The following ST7L variants were observed in gnomAD, a reference collection of about 807,000 sequenced individuals.
ST7L encodes the protein suppression of tumorigenicity 7 like, also known as suppressor of tumorigenicity 7 protein-like.
ST7L carries 57 observed loss-of-function variants against 72.5 expected under a neutral mutation model. The observed-to-expected ratio is 0.79, with a 90% CI of 0.64 to 0.98. ST7L has a LOEUF of 0.98. ST7L is among the 50% of genes least tolerant of loss of function. The pLI is 0.00. For synonymous variants in ST7L, 221 were observed against 240.9 expected, an observed-to-expected ratio of 0.92 and a Z score of 0.77; for missense variants, 576 against 672.2, an observed-to-expected ratio of 0.86 and a Z score of 1.58.
downstream of ST7L, among the ~76,000 whole-genome samples, chr1:112,519,129 G>C (rs1473419748): frequency 2.0e-5 from 3 of 152,134 alleles, no homozygotes; most frequent in Non-Finnish European, 4.4e-5. Context: ...AACATATACA[G>C]TAGACCTAGT....
intron 3 of ST7L, among the ~76,000 whole-genome samples, chr1:112,609,143 A>G (rs1372001288): frequency 6.6e-6 from 1 of 152,158 alleles, no homozygotes; most frequent in Non-Finnish European, 1.5e-5. Context: ...CCTGGGCAAC[A>G]TACTGAGACC....
Position 112,568,819 on chromosome 1 carries a change from G to A in ST7L, c.1245+8167C>T, listed in dbSNP as rs555338205. On this transcript the variant is annotated intron_variant, in intron 11 of 14. Transcript: ENST00000358039. Reference sequence around the variant, plus strand: ...GAGCCCAGGAGTTTGAGACGAGCCCGGGCAACATAGGGAGACCCTGTTTTT... The same window carrying A: ...GAGCCCAGGAGTTTGAGACGAGCCCAGGCAACATAGGGAGACCCTGTTTTT... Among the ~76,000 whole-genome samples, 13 of 145,234 alleles carry A rather than the reference G, an allele frequency of 9.0e-5. 1 individual carries two copies. The highest frequency in any genetic ancestry group is 8.6e-4 in the South Asian group (4 of 4,674).
intron 14 of ST7L, among the ~76,000 whole-genome samples, chr1:112,538,270 T>C (rs1197688131): frequency 6.6e-6 from 1 of 152,228 alleles, no homozygotes; most frequent in Non-Finnish European, 1.5e-5. Flanking sequence ...ACAAGGTAGT[T>C]TGCCAGTGCC....
chr1:112,594,208 G>GAAAA (rs11317306), intron 5 of ST7L, among the ~76,000 whole-genome samples: 1 of 89,570 alleles, frequency 1.1e-5, no homozygotes, highest in Non-Finnish European at 2.3e-5. Flanking sequence ...TTATTTTACA[G>GAAAA]AAAAAAAAAA....
chr1:112,546,996 G>A (rs886985849), intron 13 of ST7L, among the ~76,000 whole-genome samples: 2 of 151,694 alleles, frequency 1.3e-5, no homozygotes, highest in Non-Finnish European at 2.9e-5. Context: ...AGGTATGTAT[G>A]TATATATGGA....
chr1:112,608,296 G>C (rs1434644488), intron 3 of ST7L, among the ~76,000 whole-genome samples: 1 of 152,108 alleles, frequency 6.6e-6, no homozygotes, highest in Admixed American at 6.6e-5. Flanking sequence ...TAGAATTATA[G>C]GTTTGGGCCA....
chr1:112,520,726 A>C, downstream of ST7L: 1 of 591,952 alleles, frequency 1.7e-6, no homozygotes, highest in South Asian at 2.2e-5. Context: ...AAGCTCCCTG[A>C]TTTCCCGCTC....
At chr1:112,615,668 T>C (rs1669756685) in intron 2 of ST7L, among the ~76,000 whole-genome samples, 1 of 152,126 alleles carries the variant, frequency 6.6e-6, no homozygotes, top group Admixed American at 6.5e-5. Context: ...CTGGGCAACG[T>C]AGTGAGACTC....
At chr1:112,563,343 A>T (rs1449070256) in intron 11 of ST7L, among the ~76,000 whole-genome samples, 2 of 152,194 alleles carry the variant, frequency 1.3e-5, no homozygotes, top group African/African-American at 4.8e-5. Context: ...AACAAATTTT[A>T]AAAATTCTGT....
chr1:112,548,538 C>T (rs978936885), intron 13 of ST7L, among the ~76,000 whole-genome samples: 1 of 152,148 alleles, frequency 6.6e-6, no homozygotes, highest in Admixed American at 6.5e-5. Context: ...CATAATCTCT[C>T]CTAAATTTTC....
At chr1:112,590,200 G>A (rs1213899233) in intron 6 of ST7L, among the ~76,000 whole-genome samples, 1 of 152,114 alleles carries the variant, frequency 6.6e-6, no homozygotes, top group East Asian at 1.9e-4. Flanking sequence ...CAAAACAAAC[G>A]ACCACAGTTC....
chr1:112,601,820 T>C (rs1667434642), intron 3 of ST7L, among the ~76,000 whole-genome samples: 2 of 152,054 alleles, frequency 1.3e-5, no homozygotes, highest in African/African-American at 4.8e-5. Context: ...AGCTCACGTC[T>C]GTAATCCCAG....
In ST7L at chr1:112,579,193, G is replaced by A. The variant is rs969831409; in HGVS notation, c.1070-776C>T. Among the ~76,000 whole-genome samples, 51 of 152,004 alleles carry A rather than the reference G, an allele frequency of 3.4e-4. 1 individual carries two copies. The highest frequency in any genetic ancestry group is 6.6e-5 in the Admixed American group (1 of 15,260). ...AGGTCAGGAGTTCGAGACCAACCTG[G>A]CCAACATAGTGAAACCCTGTCTCTA... On this transcript the variant is annotated intron_variant, in intron 9 of 14. Coordinates refer to ENST00000358039, the MANE Select transcript of ST7L (RefSeq NM_017744.5).
chr1:112,537,505 T>C (rs978620435), intron 14 of ST7L, among the ~76,000 whole-genome samples: 2 of 152,178 alleles, frequency 1.3e-5, no homozygotes, highest in African/African-American at 2.4e-5. Context: ...AGAAGATTGG[T>C]TCTCTAAGGA....
At chr1:112,576,303 G>A (rs919393986) in intron 11 of ST7L, among the ~76,000 whole-genome samples, 2 of 152,094 alleles carry the variant, frequency 1.3e-5, no homozygotes, top group Admixed American at 6.6e-5. Flanking sequence ...TTGCCCAGCC[G>A]CTAGTCCCAA....
In ST7L at chr1:112,524,330, G is replaced by C. The variant is rs934173405; in HGVS notation, c.*1683C>G. The C allele has an allele frequency of 3.9e-5, 6 of 152,560 alleles. No individual in the cohort carries two copies. Among genetic ancestry groups the C allele is most frequent in the Non-Finnish European group, 7.3e-5 (5 of 68,034 alleles). 9.5% of individuals were successfully genotyped at this position (152,560 alleles called of 1,614,324 possible). On this transcript the variant is annotated 3_prime_UTR_variant, in exon 15 of 15. Transcript: ENST00000358039. ...ATAGGGCAGAAGCTCAAGCTAGCTGGGGCGAAGGGAGGACGCCAGGGAGAG... is the reference window on the plus strand; with the variant it reads ...ATAGGGCAGAAGCTCAAGCTAGCTGCGGCGAAGGGAGGACGCCAGGGAGAG...
At chr1:112,521,913 C>T (rs1330171173), downstream of ST7L, 4 of 152,194 alleles carry the variant, frequency 2.6e-5, no homozygotes, top group African/African-American at 9.6e-5. Context: ...ATGACAGACC[C>T]GGGTTAAAAA....
intron 14 of ST7L, chr1:112,539,796 A>G: frequency 1.0e-6 from 1 of 985,400 alleles, no homozygotes; most frequent in South Asian, 4.7e-5. Context: ...CTTTCAGTAA[A>G]TACTTAGCTT....
Position 112,602,450 on chromosome 1 carries a change from G to T in ST7L, c.452-1602C>A, listed in dbSNP as rs931560382. On this transcript the variant is annotated intron_variant, in intron 3 of 14. Transcript: ENST00000358039. ...AACAGGTGATGAAAAGTCAATGATG[G>T]GTAAAACTGCTAGTACATTAGCATG... Among the ~76,000 whole-genome samples the T allele has an allele frequency of 5.3e-4, 81 of 152,074 alleles. 1 individual carries two copies. Among genetic ancestry groups the T allele is most frequent in the Admixed American group, 4.6e-4 (7 of 15,270 alleles).
Sources: allele counts gnomAD v4.1 joint callset (sites outside exome capture counted in the v4.1 genomes callset), GRCh38; gene constraint gnomAD v4.1.1; transcripts MANE v1.5; gene names NCBI Gene and HGNC (gene_info 2026-07-23, HGNC 2026-07-21).